The following TYW1 variants were observed in gnomAD, a reference collection of about 807,000 sequenced individuals.
TYW1 encodes S-adenosyl-L-methionine-dependent tRNA 4-demethylwyosine synthase TYW1.
A neutral mutation model predicts 96.2 loss-of-function variants in TYW1; 46 were observed. The ratio of observed to expected loss-of-function variants is 0.48; its 90% CI spans 0.38 to 0.61. TYW1 has a LOEUF of 0.61. Ranked by LOEUF, TYW1 falls within the 20% of genes least tolerant of loss-of-function variation. TYW1 has a pLI of 0.00. For missense variants in TYW1, 684 were observed against 909.6 expected (o/e 0.75, Z 3.19); for synonymous variants, 274 against 323.0 (o/e 0.85, Z 1.63).
At chr7:67,044,536 C>T (rs1248288213) in intron 7 of TYW1, among the ~76,000 whole-genome samples, 2 of 152,158 alleles carry the variant, frequency 1.3e-5, no homozygotes, top group African/African-American at 4.8e-5. Context: ...TACTGAAGGC[C>T]CATCCTGTGC....
At chr7:67,228,517 G>T (rs1234277930) in intron 15 of TYW1, among the ~76,000 whole-genome samples, 2 of 152,174 alleles carry the variant, frequency 1.3e-5, no homozygotes, top group Non-Finnish European at 2.9e-5. Flanking sequence ...ATATCAAGCA[G>T]TTTCTTAATA....
At chr7:67,089,334 G>A (rs1045818491) in intron 11 of TYW1, 62 of 1,275,690 alleles carry the variant, frequency 4.9e-5, no homozygotes, top group Middle Eastern at 5.1e-4. Context: ...GGCCCTTCTC[G>A]AGGTGGCGGC....
intron 6 of TYW1, among the ~76,000 whole-genome samples, chr7:67,018,931 G>A (rs1219105574): frequency 2.7e-5 from 4 of 148,812 alleles, no homozygotes; most frequent in South Asian, 2.2e-4. Flanking sequence ...ACTCCAGCCC[G>A]GGCGACAGAG....
intron 14 of TYW1, among the ~76,000 whole-genome samples, chr7:67,192,253 C>T (rs1174034323): frequency 6.6e-6 from 1 of 152,170 alleles, no homozygotes; most frequent in East Asian, 1.9e-4. Flanking sequence ...TACCATAAAG[C>T]ATCATAGAGT....
intron 13 of TYW1, among the ~76,000 whole-genome samples, chr7:67,158,760 C>T (rs573761892): frequency 1.2e-4 from 18 of 151,796 alleles, no homozygotes; most frequent in African/African-American, 3.1e-4. Context: ...TTAGAAGAGA[C>T]GGGGGTTTCA....
intron 13 of TYW1, among the ~76,000 whole-genome samples, chr7:67,125,053 G>A (rs554894722): frequency 1.3e-5 from 2 of 152,090 alleles, no homozygotes; most frequent in Admixed American, 6.6e-5. Context: ...GGCTGGTCTC[G>A]AACTCCTGAC....
chr7:67,034,556 C>CA, intron 7 of TYW1, among the ~76,000 whole-genome samples: 1 of 152,062 alleles, frequency 6.6e-6, no homozygotes, highest in Non-Finnish European at 1.5e-5. Flanking sequence ...TTTATAAACA[C>CA]ATTTGTTTTG....
chr7:67,190,964 T>G (rs62464995), intron 14 of TYW1, among the ~76,000 whole-genome samples: 1 of 141,864 alleles, frequency 7.0e-6, no homozygotes, highest in Non-Finnish European at 1.6e-5. Context: ...TGAGGAAGAC[T>G]TTATGGCCCC....
At chr7:67,164,560 A>G (rs978145523) in intron 13 of TYW1, among the ~76,000 whole-genome samples, 1 of 151,186 alleles carries the variant, frequency 6.6e-6, no homozygotes, top group Non-Finnish European at 1.5e-5. Flanking sequence ...GCAGTGAGCT[A>G]TGATGGCACT....
chr7:67,100,870 G>C (rs928904560), intron 12 of TYW1, among the ~76,000 whole-genome samples: 2 of 112,852 alleles, frequency 1.8e-5, no homozygotes, highest in East Asian at 2.2e-4. Flanking sequence ...AAAAAAAAAA[G>C]AGTTAAAGAA....
intron 12 of TYW1, among the ~76,000 whole-genome samples, chr7:67,117,218 A>G (rs553014499): frequency 2.0e-5 from 3 of 152,216 alleles, no homozygotes; most frequent in Non-Finnish European, 4.4e-5. Flanking sequence ...ATTCAAACTT[A>G]GTATTTGAAG....
At chr7:67,182,567 TAAA>T (rs1246847271) in intron 13 of TYW1, among the ~76,000 whole-genome samples, 2 of 151,746 alleles carry the variant, frequency 1.3e-5, no homozygotes, top group Non-Finnish European at 2.9e-5. Context: ...TCTAAAAAAA[TAAA>T]GAAGAAAAGA....
intron 13 of TYW1, among the ~76,000 whole-genome samples, chr7:67,161,164 G>A (rs950025183): frequency 6.6e-6 from 1 of 152,104 alleles, no homozygotes; most frequent in Non-Finnish European, 1.5e-5. Context: ...TAAAATACAT[G>A]CTATGTTCTT....
chr7:67,184,643 TTTTATTTATGTTATGTTATG>T (rs1228146889), intron 14 of TYW1, among the ~76,000 whole-genome samples: 631 of 39,328 alleles, frequency 0.016, 6 homozygotes, highest in East Asian at 0.037. Context: ...TTTTATTTTA[TTTTATTTATGTTATGTTATG>T]TTATGTTATG....
At chr7:67,086,824 G>A (rs1428120371) in intron 11 of TYW1, among the ~76,000 whole-genome samples, 1 of 152,128 alleles carries the variant, frequency 6.6e-6, no homozygotes. Flanking sequence ...TGGACGCCGT[G>A]ACCCAGACAG....
At chr7:67,081,004 T>TC (rs1379884103) in intron 10 of TYW1, among the ~76,000 whole-genome samples, 2 of 138,728 alleles carry the variant, frequency 1.4e-5, no homozygotes, top group Non-Finnish European at 3.1e-5. Context: ...AACATTTGAA[T>TC]CCTTTTTTTT....
chr7:67,066,793 A>G (rs759478211), intron 9 of TYW1, among the ~76,000 whole-genome samples: 24 of 152,198 alleles, frequency 1.6e-4, no homozygotes, highest in Admixed American at 5.2e-4. Context: ...GGTTGCAGTG[A>G]GCTATGATTG....
At chr7:67,228,870 G>C (rs539903130) in intron 15 of TYW1, among the ~76,000 whole-genome samples, 1 of 152,172 alleles carries the variant, frequency 6.6e-6, no homozygotes, top group Non-Finnish European at 1.5e-5. Flanking sequence ...GAGATGACTG[G>C]ATTTCCCGTA....
Position 67,181,034 on chromosome 7 carries a change from T to G in TYW1, c.1699-2092T>G, listed in dbSNP as rs572462580. Among the ~76,000 whole-genome samples the G allele has an allele frequency of 2.0e-5, 3 of 152,252 alleles. No individual in the cohort carries two copies. The South Asian group carries it at 6.2e-4, about 32-fold the overall frequency. The stretch of plus-strand genomic sequence containing the variant: ...TTTTTAATGTTAAGGATGTGTTTAA[T>G]TAACTGAATTTACCAAATGGTGTTT... On this transcript the variant is annotated intron_variant, in intron 13 of 15. Coordinates refer to ENST00000359626, the MANE Select transcript of TYW1 (RefSeq NM_018264.4).
Sources: allele counts gnomAD v4.1 joint callset (sites outside exome capture counted in the v4.1 genomes callset), GRCh38; gene constraint gnomAD v4.1.1; transcripts MANE v1.5; gene names NCBI Gene and HGNC (gene_info 2026-07-23, HGNC 2026-07-21).